GRIK1: variants seen among roughly 807,000 people sequenced by gnomAD.
GRIK1 encodes the protein glutamate ionotropic receptor kainate type subunit 1, also known as glutamate receptor ionotropic, kainate 1.
In GRIK1, 69 loss-of-function variants were observed where a neutral mutation model predicts 105.7. The observed-to-expected ratio is 0.65, with a 90% confidence interval of 0.54 to 0.80. The LOEUF is 0.80. Among genes scored for constraint, GRIK1 ranks in the 30% least tolerant of loss-of-function variants. The probability of loss-of-function intolerance (pLI) is 0.00; values close to 1 mark genes in which losing one functional copy is unlikely to be tolerated. For synonymous variants in GRIK1, 438 were observed against 431.3 expected (o/e 1.02, Z -0.19); for missense variants, 1,109 against 1,167.3 (o/e 0.95, Z 0.73).
rs528464986 is a variant in GRIK1 at position 29,889,838 on chromosome 21, T to C, written c.118+49545A>G. Among the ~76,000 whole-genome samples the C allele has an allele frequency of 2.8e-3, 429 of 152,200 alleles. 3 individuals carry two copies. The highest frequency in any genetic ancestry group is 4.9e-3 in the Non-Finnish European group (334 of 67,952). On this transcript the variant is annotated intron_variant, in intron 1 of 17. Transcript: ENST00000327783. ...TTAAGTAACTTTTAAATGTATTAAA[T>C]AGAATTATCCATAAAGAAGGAAGAT...
intron 1 of GRIK1, among the ~76,000 whole-genome samples, chr21:29,892,835 T>C (rs1351451852): frequency 6.6e-6 from 1 of 152,230 alleles, no homozygotes; most frequent in Non-Finnish European, 1.5e-5. Flanking sequence ...GCAAAGTATT[T>C]TTTGTTTTGT....
intron 16 of GRIK1, chr21:29,553,503 T>C (rs2090171617): frequency 6.7e-7 from 1 of 1,492,244 alleles, no homozygotes; most frequent in East Asian, 2.3e-5. Context: ...ACAACACCAA[T>C]TAGCAAAAAC....
rs75793187 is a variant in GRIK1, at chr21:29,537,493, A to C, written c.2695-108T>G. 1,847 of 891,804 alleles carry C rather than the reference A, an allele frequency of 2.1e-3. 24 individuals carry two copies. In the African/African-American group the frequency reaches 0.028, roughly 13 times the overall value. The allele number at this position is 891,804 out of a possible 1,614,324, so 55.2% of individuals were successfully genotyped here. A position where few individuals can be genotyped will look rare whatever the true frequency, so the allele number is the denominator to read the frequency against. ...GAACACAAGATATTGGCTTGAAGGC[A>C]GCTCTGTCACAATTGGCCAGTTCCC... On this transcript the variant is annotated intron_variant, in intron 17 of 17. Transcript: ENST00000327783.
intron 1 of GRIK1, among the ~76,000 whole-genome samples, chr21:29,742,094 T>C (rs1374893576): frequency 2.0e-5 from 3 of 152,216 alleles, no homozygotes; most frequent in African/African-American, 7.2e-5. Flanking sequence ...AATAAATTAG[T>C]TGCAAAACTC....
At chr21:29,604,558 A>G (rs1325138133) in intron 7 of GRIK1, among the ~76,000 whole-genome samples, 2 of 152,246 alleles carry the variant, frequency 1.3e-5, no homozygotes, top group Admixed American at 6.5e-5. Flanking sequence ...TTTCTGGGAC[A>G]GGGCTGAAGC....
intron 8 of GRIK1, among the ~76,000 whole-genome samples, chr21:29,597,184 G>A (rs2061431478): frequency 6.6e-6 from 1 of 152,158 alleles, no homozygotes; most frequent in Non-Finnish European, 1.5e-5. Flanking sequence ...TTCCCTCATT[G>A]CCTTAAGGCC....
chr21:29,840,447 A>G (rs1452005377), intron 1 of GRIK1, among the ~76,000 whole-genome samples: 1 of 152,154 alleles, frequency 6.6e-6, no homozygotes, highest in Non-Finnish European at 1.5e-5. Context: ...TTTTTTACAC[A>G]TAATTTTTGA....
chr21:29,827,647 G>A (rs1369807522), intron 1 of GRIK1, among the ~76,000 whole-genome samples: 2 of 152,036 alleles, frequency 1.3e-5, no homozygotes, highest in Non-Finnish European at 2.9e-5. Context: ...ACCAAATGGT[G>A]ATTAGTGAAA....
intron 1 of GRIK1, among the ~76,000 whole-genome samples, chr21:29,774,522 G>C (rs1033984904): frequency 6.9e-6 from 1 of 145,410 alleles, no homozygotes; most frequent in African/African-American, 2.5e-5. Flanking sequence ...CACGATCTCG[G>C]CTCACTGCAA....
rs751970164 is a variant in GRIK1, at chr21:29,861,212, G to GAAATGAGAA, written c.118+78162_118+78170dup. 2.5e-3 allele frequency among the ~76,000 whole-genome samples: 379 copies of GAAATGAGAA among 152,330 alleles called. 1 individual carries two copies. The highest frequency in any genetic ancestry group is 4.0e-3 in the Admixed American group (61 of 15,308). On this transcript the variant is annotated intron_variant, in intron 1 of 17. Coordinates refer to ENST00000327783, the MANE Select transcript of GRIK1 (RefSeq NM_001330994.2). ...ACTTTCAGCCTCATGTTGAATGATAGAAATGAGAAAGAATGTCTTTCTTCG... is the reference window on the plus strand; with the variant it reads ...ACTTTCAGCCTCATGTTGAATGATAGAAATGAGAAAAATGAGAAAGAATGTCTTTCTTCG...
rs1273011089 is a variant in GRIK1 at position 29,560,360 on chromosome 21, TCTTTCTTCCTTCCTTCCTTCCTTC to T, written c.2356+1240_2356+1263del. On this transcript the variant is annotated intron_variant, in intron 15 of 17. Coordinates refer to ENST00000327783, the MANE Select transcript of GRIK1 (RefSeq NM_001330994.2). ...CTTTCTTTCTTTCTTTCTTTCTTTT[TCTTTCTTCCTTCCTTCCTTCCTTC>T]CTTCCTTCCTTCCTTCCTTTCTTTC... is the stretch of plus-strand genomic sequence containing the variant. 3.4e-4 allele frequency among the ~76,000 whole-genome samples: 16 copies of T among 46,974 alleles called. 1 individual carries two copies. The highest frequency in any genetic ancestry group is 1.5e-3 in the African/African-American group (15 of 9,826). The allele number at this position is 46,974 out of a possible 152,430, so 30.8% of individuals were successfully genotyped here. A position where few individuals can be genotyped will look rare whatever the true frequency, so the allele number is the denominator to read the frequency against.
At chr21:29,820,599 G>A (rs2067274185) in intron 1 of GRIK1, among the ~76,000 whole-genome samples, 3 of 151,998 alleles carry the variant, frequency 2.0e-5, no homozygotes, top group African/African-American at 7.2e-5. Flanking sequence ...AGAGTGATGA[G>A]CATTGCTGTT....
At chr21:29,779,389 G>C (rs1319796138) in intron 1 of GRIK1, among the ~76,000 whole-genome samples, 1 of 149,376 alleles carries the variant, frequency 6.7e-6, no homozygotes, top group Non-Finnish European at 1.5e-5. Flanking sequence ...TGTGTTTGGA[G>C]GCTTATGTGT....
At chr21:29,864,748 G>A (rs948172363) in intron 1 of GRIK1, among the ~76,000 whole-genome samples, 8 of 151,854 alleles carry the variant, frequency 5.3e-5, no homozygotes, top group Non-Finnish European at 7.4e-5. Context: ...CCTGTTCATC[G>A]TTTGTTGTCC....
chr21:29,794,341 A>T (rs745662214), intron 1 of GRIK1, among the ~76,000 whole-genome samples: 2 of 152,190 alleles, frequency 1.3e-5, no homozygotes, highest in African/African-American at 2.4e-5. Flanking sequence ...TAAATAACTG[A>T]CTCAGTAGCA....
chr21:29,714,469 G>A (rs2064132328), intron 1 of GRIK1, among the ~76,000 whole-genome samples: 2 of 152,186 alleles, frequency 1.3e-5, no homozygotes, highest in Admixed American at 1.3e-4. Flanking sequence ...CTGGGACTGG[G>A]TGGCTTTCCA....
At chr21:29,734,029 T>A (rs1405572639) in intron 1 of GRIK1, among the ~76,000 whole-genome samples, 1 of 152,208 alleles carries the variant, frequency 6.6e-6, no homozygotes, top group African/African-American at 2.4e-5. Context: ...AATTTTTTCA[T>A]AATGGCTGTG....
At chr21:29,678,373 G>A (rs1313021502) in intron 3 of GRIK1, among the ~76,000 whole-genome samples, 1 of 152,152 alleles carries the variant, frequency 6.6e-6, no homozygotes, top group Non-Finnish European at 1.5e-5. Flanking sequence ...AGGCAAGTGG[G>A]AGTCTTCCCA....
intron 1 of GRIK1, among the ~76,000 whole-genome samples, chr21:29,815,274 T>C (rs1448223582): frequency 2.0e-5 from 3 of 152,190 alleles, no homozygotes; most frequent in Admixed American, 6.6e-5. Context: ...CCTAACTGCA[T>C]GACTTTAGGG....
Sources: gnomAD v4.1 joint callset for allele counts (sites outside exome capture counted in the v4.1 genomes callset) on GRCh38, gnomAD v4.1.1 for gene constraint, MANE v1.5 for transcripts, NCBI Gene and HGNC (gene_info 2026-07-23, HGNC 2026-07-21) for gene names.